Variants in IL1RAPL1 observed in about 807,000 individuals in gnomAD.
IL1RAPL1 encodes interleukin 1 receptor accessory protein like 1.
Under a neutral mutation model 48.4 loss-of-function variants are expected in IL1RAPL1, and 3 were observed. The ratio of observed to expected loss-of-function variants is 0.06; its 90% CI spans 0.03 to 0.16. IL1RAPL1 has a LOEUF of 0.16. IL1RAPL1 is among the 10% of genes least tolerant of loss of function. IL1RAPL1 has a pLI of 1.00. For synonymous variants in IL1RAPL1, 185 were observed against 187.7 expected (o/e 0.99, Z 0.12); for missense variants, 349 against 530.6 (o/e 0.66, Z 3.36).
intron 6 of IL1RAPL1, among the ~76,000 whole-genome samples, chrX:29,762,692 G>A (rs1928782789): frequency 8.9e-6 from 1 of 111,865 alleles, no homozygotes; most frequent in Admixed American, 9.5e-5. Context: ...GATTTTCTTC[G>A]CTAAGAAATG....
At chrX:29,598,445 T>G (rs748962441) in intron 5 of IL1RAPL1, among the ~76,000 whole-genome samples, 22 of 112,090 alleles carry the variant, frequency 2.0e-4, no homozygotes, top group African/African-American at 7.1e-4. Flanking sequence ...TGTGGCCTAT[T>G]ATGTGGTCTA....
chrX:28,703,508 A>C (rs1935326557), intron 1 of IL1RAPL1, among the ~76,000 whole-genome samples: 1 of 111,377 alleles, frequency 9.0e-6, no homozygotes, highest in South Asian at 3.8e-4. Flanking sequence ...ACAGAAAATT[A>C]ATGGAACAGG....
intron 6 of IL1RAPL1, among the ~76,000 whole-genome samples, chrX:29,803,554 T>C (rs930910756): frequency 3.0e-5 from 3 of 100,856 alleles, no homozygotes; most frequent in Admixed American, 2.2e-4. Context: ...TATATGTGTG[T>C]ATATATGTAT....
At chrX:29,825,492 A>G (rs1026623641) in intron 6 of IL1RAPL1, among the ~76,000 whole-genome samples, 2 of 111,435 alleles carry the variant, frequency 1.8e-5, no homozygotes, top group African/African-American at 6.5e-5. Flanking sequence ...CATGCTTTCC[A>G]GATATATCTC....
chrX:29,467,173 G>C (rs1386863073), intron 5 of IL1RAPL1, among the ~76,000 whole-genome samples: 1 of 111,950 alleles, frequency 8.9e-6, no homozygotes, highest in Admixed American at 9.5e-5. Context: ...AAGGCTGTGA[G>C]GTCAGGGATG....
At chrX:29,239,371 C>A (rs1931365026) in intron 2 of IL1RAPL1, among the ~76,000 whole-genome samples, 1 of 112,299 alleles carries the variant, frequency 8.9e-6, no homozygotes. Flanking sequence ...AAATGGAGAT[C>A]TTTTTGAATA....
intron 2 of IL1RAPL1, among the ~76,000 whole-genome samples, chrX:29,174,937 G>T (rs1929980004): frequency 9.1e-6 from 1 of 109,979 alleles, no homozygotes; most frequent in Non-Finnish European, 1.9e-5. Flanking sequence ...AGCCGGGCGT[G>T]GTGGCGGGCA....
At chrX:29,604,866 T>G (rs1483585561) in intron 5 of IL1RAPL1, among the ~76,000 whole-genome samples, 1 of 110,615 alleles carries the variant, frequency 9.0e-6, no homozygotes, top group Non-Finnish European at 1.9e-5. Flanking sequence ...CCCGTATTTT[T>G]TTCAGGATCC....
At chrX:29,849,130 G>GA (rs71797706) in intron 6 of IL1RAPL1, among the ~76,000 whole-genome samples, 70 of 108,077 alleles carry the variant, frequency 6.5e-4, no homozygotes, top group Admixed American at 1.7e-3. Flanking sequence ...ATAACAGCAA[G>GA]AAAAAAAAAT....
At chrX:29,528,347 A>G (rs1935576477) in intron 5 of IL1RAPL1, among the ~76,000 whole-genome samples, 2 of 112,561 alleles carry the variant, frequency 1.8e-5, no homozygotes, top group East Asian at 5.5e-4. Flanking sequence ...CTCTTGATGA[A>G]CTAATATTGA....
chrX:29,352,086 A>C (rs981440280), intron 3 of IL1RAPL1, among the ~76,000 whole-genome samples: 1 of 112,237 alleles, frequency 8.9e-6, no homozygotes, highest in African/African-American at 3.2e-5. Flanking sequence ...GTAGACAGAC[A>C]TAGAAATATC....
In IL1RAPL1 at chrX:29,697,529, G is replaced by A. The variant is rs774581666; in HGVS notation, c.778+29025G>A. On this transcript the variant is annotated intron_variant, in intron 6 of 10. Transcript: ENST00000378993. ...TGTGTGTGTTTGTGTTTGTGTGCTT[G>A]TGGTGTGTACTACCTGAAACGAAAG... Among the ~76,000 whole-genome samples, 24 of 112,092 alleles carry A rather than the reference G, an allele frequency of 2.1e-4. No individual in the cohort carries two copies. The South Asian group carries it at 8.8e-3, about 41-fold the overall frequency.
At chrX:28,767,455 G>A (rs767033025) in intron 1 of IL1RAPL1, among the ~76,000 whole-genome samples, 69 of 110,627 alleles carry the variant, frequency 6.2e-4, no homozygotes, top group African/African-American at 2.2e-3. Flanking sequence ...TTGAATAATT[G>A]TATGAACTTT....
intron 5 of IL1RAPL1, among the ~76,000 whole-genome samples, chrX:29,652,010 A>G (rs1925533392): frequency 8.9e-6 from 1 of 112,022 alleles, no homozygotes. Context: ...TAAGTTTTCT[A>G]AAGTAACTGA....
At chrX:28,934,418 CAATTA>C (rs1002251627) in intron 2 of IL1RAPL1, among the ~76,000 whole-genome samples, 1 of 110,634 alleles carries the variant, frequency 9.0e-6, no homozygotes, top group African/African-American at 3.3e-5. Flanking sequence ...TTAAAGTGTA[CAATTA>C]AATTTTTTTT....
At chrX:28,754,050 C>G (rs1241078767) in intron 1 of IL1RAPL1, among the ~76,000 whole-genome samples, 3 of 57,847 alleles carry the variant, frequency 5.2e-5, no homozygotes, top group Non-Finnish European at 8.9e-5. Flanking sequence ...GCATCATCTT[C>G]AGGTATTTTT....
In IL1RAPL1 at chrX:28,761,522, T is replaced by C. The variant is rs772268707; in HGVS notation, c.-24-27798T>C. ...ACCAAATGCCACATATACTAACTTA[T>C]AAGGGGAAGCAAAACGTTGTGTATT... On this transcript the variant is annotated intron_variant, in intron 1 of 10. Coordinates refer to ENST00000378993, the MANE Select transcript of IL1RAPL1 (RefSeq NM_014271.4). Among the ~76,000 whole-genome samples the C allele has an allele frequency of 1.6e-4, 18 of 111,385 alleles. 1 individual carries two copies. In the South Asian group the frequency reaches 2.2e-3, roughly 14 times the overall value.
At chrX:29,735,291 C>G (rs1264919219) in intron 6 of IL1RAPL1, among the ~76,000 whole-genome samples, 1 of 111,695 alleles carries the variant, frequency 9.0e-6, no homozygotes, top group Non-Finnish European at 1.9e-5. Flanking sequence ...CACTGACTCT[C>G]CTGTCTGTTT....
At chrX:28,863,630 A>G (rs1325502689) in intron 2 of IL1RAPL1, among the ~76,000 whole-genome samples, 8 of 111,609 alleles carry the variant, frequency 7.2e-5, no homozygotes, top group Non-Finnish European at 1.5e-4. Context: ...TATAAGGATT[A>G]CATCTTGAAT....
Sources: gnomAD v4.1 joint callset for allele counts (sites outside exome capture counted in the v4.1 genomes callset) on GRCh38, gnomAD v4.1.1 for gene constraint, MANE v1.5 for transcripts, NCBI Gene and HGNC (gene_info 2026-07-23, HGNC 2026-07-21) for gene names.